LMNB2: variants seen among roughly 807,000 people sequenced by gnomAD.
LMNB2 encodes the protein lamin B2, also known as lamin-B2.
LMNB2 carries 17 observed loss-of-function variants against 69.3 expected under a neutral mutation model. That is an observed-to-expected ratio of 0.25 (90% CI 0.17 to 0.37). The LOEUF is 0.37. LMNB2 is among the 10% of genes least tolerant of loss of function. The pLI is 1.00. For missense variants in LMNB2, 789 were observed against 883.6 expected (o/e 0.89, Z 1.36); for synonymous variants, 397 against 389.3 (o/e 1.02, Z -0.23).
chr19:2,441,633 C>T (rs1239747045), intron 2 of LMNB2, among the ~76,000 whole-genome samples: 1 of 152,246 alleles, frequency 6.6e-6, no homozygotes, highest in African/African-American at 2.4e-5. Flanking sequence ...ACCGCTCTCA[C>T]ACCAGAGGTG....
At chr19:2,450,068 C>T (rs1183666403) in intron 1 of LMNB2, among the ~76,000 whole-genome samples, 1 of 140,086 alleles carries the variant, frequency 7.1e-6, no homozygotes, top group Non-Finnish European at 1.5e-5. Context: ...GAGTGAAACT[C>T]CGTCTCAAAA....
intron 4 of LMNB2, among the ~76,000 whole-genome samples, chr19:2,437,488 G>C (rs561663214): frequency 6.6e-6 from 1 of 152,350 alleles, no homozygotes; most frequent in Admixed American, 6.5e-5. Flanking sequence ...AATCAAAATA[G>C]ACCTTCCTTG....
rs558708367 is a variant in LMNB2, at chr19:2,440,036, A to C, written c.402-1505T>G. On this transcript the variant is annotated intron_variant, in intron 2 of 11. Transcript: ENST00000325327. The stretch of plus-strand genomic sequence containing the variant: ...CGTGAACCACTGCGCCTGGTCCCCC[A>C]GGGCCTTTCAAAAGACCACCTAGGC... 2.6e-4 allele frequency among the ~76,000 whole-genome samples: 39 copies of C among 151,976 alleles called. 1 individual carries two copies. The highest frequency in any genetic ancestry group is 5.2e-4 in the Admixed American group (8 of 15,244).
At chr19:2,431,701 C>G in intron 10 of LMNB2, 43 bp from the exon 11 acceptor site, 1 of 1,613,918 alleles carries the variant, frequency 6.2e-7, no homozygotes, top group South Asian at 1.1e-5. Context: ...GGATCGGGCC[C>G]AGAGCTGCTG....
chr19:2,456,900 G>A lies in LMNB2; in HGVS notation c.34C>T (p.Gln12Ter). 1 of 1,014,486 alleles carries A rather than the reference G, an allele frequency of 9.9e-7. No individual in the cohort carries two copies. The highest frequency in any genetic ancestry group is 1.7e-5 in the African/African-American group (1 of 57,282). 62.8% of individuals were successfully genotyped at this position (1,014,486 alleles called of 1,614,324 possible). ...SPPSPGRRRE[Q>*]RRPRAAATMA... ...GTGGCGGCGGCTCGCGGCCTGCGCT[G>A]CTCCCGACGGCGGCCCGGGCTCGGC... is the stretch of plus-strand genomic sequence containing the variant. Residue 12 changes from glutamine (Q) to a stop codon, truncating the protein, a stop_gained, in exon 1 of 12, where the codon CAG becomes TAG. Transcript: ENST00000325327. LOFTEE classifies it high-confidence loss of function.
At chr19:2,437,492 T>C (rs1342312653) in intron 4 of LMNB2, among the ~76,000 whole-genome samples, 3 of 152,200 alleles carry the variant, frequency 2.0e-5, no homozygotes, top group Non-Finnish European at 4.4e-5. Context: ...AAAATAGACC[T>C]TCCTTGACAC....
chr19:2,433,117 C>G (rs573430215), intron 8 of LMNB2, among the ~76,000 whole-genome samples: 19 of 125,560 alleles, frequency 1.5e-4, no homozygotes, highest in Middle Eastern at 5.1e-3. Context: ...CATTGGCCGG[C>G]GGCCCCGTCA....
intron 4 of LMNB2, among the ~76,000 whole-genome samples, chr19:2,435,565 G>A (rs1166683801): frequency 2.0e-5 from 3 of 152,166 alleles, no homozygotes; most frequent in African/African-American, 7.2e-5. Context: ...CTGATGGGGA[G>A]GGGGTTCTTT....
intron 1 of LMNB2, among the ~76,000 whole-genome samples, chr19:2,445,130 G>A (rs947287855): frequency 3.3e-5 from 5 of 151,932 alleles, no homozygotes; most frequent in Admixed American, 1.3e-4. Context: ...ACAGCAACCC[G>A]GGGCCCTCCC....
At chr19:2,452,732 G>T (rs1460213397) in intron 1 of LMNB2, among the ~76,000 whole-genome samples, 1 of 152,086 alleles carries the variant, frequency 6.6e-6, no homozygotes, top group East Asian at 1.9e-4. Context: ...TCTCAAAAAA[G>T]AAGTGAGAAA....
At chr19:2,436,411 C>CAAAACAAAACAA (rs1971821739) in intron 4 of LMNB2, among the ~76,000 whole-genome samples, 1 of 152,140 alleles carries the variant, frequency 6.6e-6, no homozygotes, top group East Asian at 1.9e-4. Flanking sequence ...CAAAACAAAA[C>CAAAACAAAACAA]AAAAACAGTA....
At position 2,453,151 on chromosome 19, in the gene LMNB2, C is replaced by A. The variant is rs572604088; in HGVS notation, c.264+3519G>T. Among the ~76,000 whole-genome samples the A allele has an allele frequency of 6.6e-6, 1 of 152,208 alleles. No homozygotes were observed. Among genetic ancestry groups the A allele is most frequent in the African/African-American group, 2.4e-5 (1 of 41,526 alleles). Reference sequence around the variant, plus strand: ...TCTCGGGGCGCTGAGCAGTACCCAGCCTCCACCCACGCTGTGCCGATGCCG... The same window carrying A: ...TCTCGGGGCGCTGAGCAGTACCCAGACTCCACCCACGCTGTGCCGATGCCG... On this transcript the variant is annotated intron_variant, in intron 1 of 11. Transcript: ENST00000325327. This position sits in a 1 kb window ranked among gnomAD's most constrained non-coding sequence, Gnocchi z 4.4.
At chr19:2,449,267 G>C (rs924819742) in intron 1 of LMNB2, among the ~76,000 whole-genome samples, 1 of 152,168 alleles carries the variant, frequency 6.6e-6, no homozygotes, top group Non-Finnish European at 1.5e-5. Flanking sequence ...ACAGAGGAGC[G>C]GGCGGTGTGG....
rs1432044674 is a variant in LMNB2, at chr19:2,430,025, G to C, written c.*886C>G. 6.6e-6 allele frequency: 1 copy of C among 152,532 alleles called. No individual in the cohort carries two copies. Among genetic ancestry groups the C allele is most frequent in the Non-Finnish European group, 1.5e-5 (1 of 68,326 alleles). The allele number at this position is 152,532 out of a possible 1,614,324, so 9.4% of individuals were successfully genotyped here. A position where few individuals can be genotyped will look rare whatever the true frequency, so the allele number is the denominator to read the frequency against. ...CAGGGCAGACGGAGCTGGAACACGGGAGGGGCTCCACAGCGCTCTCCTCCA... is the reference window on the plus strand; with the variant it reads ...CAGGGCAGACGGAGCTGGAACACGGCAGGGGCTCCACAGCGCTCTCCTCCA... On this transcript the variant is annotated 3_prime_UTR_variant, in exon 12 of 12. Transcript: ENST00000325327.
At chr19:2,456,304 G>GA (rs1972087770) in intron 1 of LMNB2, among the ~76,000 whole-genome samples, 2 of 126,602 alleles carry the variant, frequency 1.6e-5, no homozygotes, top group Non-Finnish European at 3.4e-5. Context: ...GGAGACCCCC[G>GA]AGCCGGAGCC....
intron 1 of LMNB2, among the ~76,000 whole-genome samples, chr19:2,450,997 T>G (rs1462666059): frequency 6.6e-6 from 1 of 150,932 alleles, no homozygotes; most frequent in Non-Finnish European, 1.5e-5. Context: ...TCCCAGCACT[T>G]TGGGAGGCAG....
In LMNB2 at chr19:2,436,531, C is replaced by G. The variant is rs1298428765; in HGVS notation, c.685-1360G>C. On this transcript the variant is annotated intron_variant, in intron 4 of 11. Transcript: ENST00000325327. Reference sequence around the variant, plus strand: ...CACCTCCACGGCCGCCCTCCCGCCTCCACGGCCGCGCACCCGCCTGCACAG... The same window carrying G: ...CACCTCCACGGCCGCCCTCCCGCCTGCACGGCCGCGCACCCGCCTGCACAG... Among the ~76,000 whole-genome samples, 266 of 149,608 alleles carry G rather than the reference C, an allele frequency of 1.8e-3. 2 individuals carry two copies. Among genetic ancestry groups the G allele is most frequent in the Non-Finnish European group, 3.3e-3 (220 of 66,726 alleles).
At chr19:2,456,619 G>C (rs574604187) in intron 1 of LMNB2, 51 bp downstream of exon 1, 135 of 1,411,602 alleles carry the variant, frequency 9.6e-5, no homozygotes, top group Non-Finnish European at 1.2e-4. Flanking sequence ...CCCGCGGTGG[G>C]CGGGGCCTGC....
chr19:2,451,551 C>A (rs12608691), intron 1 of LMNB2, among the ~76,000 whole-genome samples: 2 of 152,148 alleles, frequency 1.3e-5, no homozygotes, highest in African/African-American at 2.4e-5. Flanking sequence ...ACGGGTGTGC[C>A]GGGGCAGGAC....
Sources: allele counts gnomAD v4.1 joint callset (sites outside exome capture counted in the v4.1 genomes callset), GRCh38; gene constraint gnomAD v4.1.1; non-coding constraint Gnocchi (gnomAD v3.1); transcripts MANE v1.5; gene names NCBI Gene and HGNC (gene_info 2026-07-23, HGNC 2026-07-21).